The following MITF variants were observed in gnomAD, a reference collection of about 807,000 sequenced individuals.
The protein encoded by MITF is melanocyte inducing transcription factor.
Under a neutral mutation model 60.5 loss-of-function variants are expected in MITF, and 17 were observed. That is an observed-to-expected ratio of 0.28 (90% CI 0.19 to 0.42). The LOEUF is 0.42. Ranked by LOEUF, MITF falls within the 10% of genes least tolerant of loss-of-function variation. The pLI is 1.00. For missense variants in MITF, 622 were observed against 683.5 expected (o/e 0.91, Z 1.00); for synonymous variants, 260 against 248.5 (o/e 1.05, Z -0.43).
intron 1 of MITF, among the ~76,000 whole-genome samples, chr3:69,826,028 T>G (rs928686108): frequency 6.6e-6 from 1 of 152,230 alleles, no homozygotes; most frequent in Non-Finnish European, 1.5e-5. Context: ...CAGGTGCATC[T>G]TTTTAAAATT....
At chr3:69,763,387 G>A (rs758220087) in intron 1 of MITF, among the ~76,000 whole-genome samples, 2 of 152,106 alleles carry the variant, frequency 1.3e-5, no homozygotes, top group African/African-American at 4.8e-5. Flanking sequence ...TAGTTTTGGA[G>A]CCAAGTAACC....
intron 7 of MITF, among the ~76,000 whole-genome samples, chr3:69,954,683 G>C (rs2066352355): frequency 6.6e-6 from 1 of 152,136 alleles, no homozygotes; most frequent in African/African-American, 2.4e-5. Flanking sequence ...AGAGTTTTGG[G>C]GAAGGTTAGC....
chr3:69,793,781 C>T (rs1282654785), intron 1 of MITF, among the ~76,000 whole-genome samples: 1 of 152,202 alleles, frequency 6.6e-6, no homozygotes, highest in Non-Finnish European at 1.5e-5. Context: ...TAGTGAGCTT[C>T]ACTTAGTTCC....
At chr3:69,933,428 A>C (rs906175496) in intron 2 of MITF, among the ~76,000 whole-genome samples, 1 of 152,164 alleles carries the variant, frequency 6.6e-6, no homozygotes, top group Non-Finnish European at 1.5e-5. Context: ...GATGGAAAAT[A>C]ACCTGTCAGT....
At chr3:69,888,019 G>T (rs917640295) in intron 2 of MITF, among the ~76,000 whole-genome samples, 28 of 152,022 alleles carry the variant, frequency 1.8e-4, no homozygotes, top group African/African-American at 6.8e-4. Context: ...CAAATTCAAA[G>T]TGAGCAAAAG....
At chr3:69,926,314 G>C (rs2065585239) in intron 2 of MITF, among the ~76,000 whole-genome samples, 1 of 152,150 alleles carries the variant, frequency 6.6e-6, no homozygotes. Flanking sequence ...TTAGGAGATG[G>C]CTGCTTTTTG....
intron 1 of MITF, among the ~76,000 whole-genome samples, chr3:69,832,301 G>C (rs1021259700): frequency 2.0e-5 from 3 of 152,130 alleles, no homozygotes; most frequent in Non-Finnish European, 2.9e-5. Context: ...GAAAGGACTG[G>C]GTGAGGCCAA....
At chr3:69,915,713 C>G (rs1001020167) in intron 2 of MITF, among the ~76,000 whole-genome samples, 5 of 152,148 alleles carry the variant, frequency 3.3e-5, no homozygotes, top group Admixed American at 6.5e-5. Context: ...AGGCTTGGAA[C>G]CGGGAGCAGT....
At chr3:69,874,358 A>G (rs565509876) in intron 1 of MITF, among the ~76,000 whole-genome samples, 2 of 152,368 alleles carry the variant, frequency 1.3e-5, no homozygotes, top group African/African-American at 4.8e-5. Flanking sequence ...ACATAGGCAT[A>G]TAAAAAGTAG....
intron 6 of MITF, 52 bp downstream of exon 6, chr3:69,949,220 A>G (rs931172243): frequency 7.2e-7 from 1 of 1,387,620 alleles, no homozygotes; most frequent in African/African-American, 1.4e-5. Flanking sequence ...CCATTTCCTG[A>G]TAAGACAAAG....
intron 1 of MITF, among the ~76,000 whole-genome samples, chr3:69,875,747 T>C (rs2064339608): frequency 6.6e-6 from 1 of 152,268 alleles, no homozygotes; most frequent in South Asian, 2.1e-4. Flanking sequence ...CATTGTGACA[T>C]GCAGATATCC....
At chr3:69,842,824 C>T (rs2063664208) in intron 1 of MITF, among the ~76,000 whole-genome samples, 1 of 152,188 alleles carries the variant, frequency 6.6e-6, no homozygotes, top group Admixed American at 6.5e-5. Context: ...ACCTCCCCAT[C>T]ACCACCCCAG....
At chr3:69,908,603 A>G (rs2065152441) in intron 2 of MITF, among the ~76,000 whole-genome samples, 1 of 152,182 alleles carries the variant, frequency 6.6e-6, no homozygotes, top group Non-Finnish European at 1.5e-5. Context: ...TGGTTTGTTT[A>G]CCACACTGCC....
At chr3:69,775,470 G>A (rs1056055049) in intron 1 of MITF, among the ~76,000 whole-genome samples, 1 of 152,114 alleles carries the variant, frequency 6.6e-6, no homozygotes, top group South Asian at 2.1e-4. Context: ...GTGGCCTTCT[G>A]GAATTTTATT....
intron 1 of MITF, among the ~76,000 whole-genome samples, chr3:69,777,133 T>C (rs2062487222): frequency 6.6e-6 from 1 of 152,108 alleles, no homozygotes; most frequent in African/African-American, 2.4e-5. Flanking sequence ...TTTATATTCA[T>C]GGAAAATGAC....
At chr3:69,911,028 C>T (rs184851352) in intron 2 of MITF, among the ~76,000 whole-genome samples, 4 of 152,048 alleles carry the variant, frequency 2.6e-5, no homozygotes, top group Non-Finnish European at 5.9e-5. Context: ...TCCCAGAATT[C>T]CCACATGTTG....
At chr3:69,817,378 A>T (rs1219739968) in intron 1 of MITF, among the ~76,000 whole-genome samples, 1 of 152,194 alleles carries the variant, frequency 6.6e-6, no homozygotes, top group Non-Finnish European at 1.5e-5. Context: ...ATAGCTTCTC[A>T]TTAGTACTAG....
chr3:69,889,170 G>A (rs2107312857), intron 2 of MITF, among the ~76,000 whole-genome samples: 1 of 151,034 alleles, frequency 6.6e-6, no homozygotes, highest in Middle Eastern at 3.5e-3. Flanking sequence ...AAGCACTGTA[G>A]TGCATTATAG....
In MITF at chr3:69,932,043, G is replaced by A. The variant is rs753898631; in HGVS notation, c.355-5779G>A. 5.9e-5 allele frequency among the ~76,000 whole-genome samples: 9 copies of A among 152,168 alleles called. 1 individual carries two copies. The highest frequency in any genetic ancestry group is 7.3e-5 in the Non-Finnish European group (5 of 68,038). ...GTTGGAAAAACAACTGTAAAATTAC[G>A]TATACATATACTATTTCTCTTTATT... On this transcript the variant is annotated intron_variant, in intron 2 of 9. Coordinates refer to ENST00000352241, the MANE Select transcript of MITF (RefSeq NM_001354604.2).
Sources: allele counts gnomAD v4.1 joint callset (sites outside exome capture counted in the v4.1 genomes callset), GRCh38; gene constraint gnomAD v4.1.1; transcripts MANE v1.5; gene names NCBI Gene and HGNC (gene_info 2026-07-23, HGNC 2026-07-21).